The following ZNF780B variants were observed in gnomAD, a reference collection of about 807,000 sequenced individuals.
The protein encoded by ZNF780B is zinc finger protein 780B, also known as zinc finger protein 779.
ZNF780B carries 52 observed loss-of-function variants against 74.1 expected under a neutral mutation model. The ratio of observed to expected loss-of-function variants is 0.70; its 90% CI spans 0.56 to 0.88. The LOEUF is 0.88. Among genes scored for constraint, ZNF780B ranks in the 40% least tolerant of loss-of-function variants. The probability of loss-of-function intolerance (pLI) is 0.00; values close to 1 mark genes in which losing one functional copy is unlikely to be tolerated. For missense variants in ZNF780B, 953 were observed against 1,007.6 expected (o/e 0.95, Z 0.73); for synonymous variants, 315 against 324.3 (o/e 0.97, Z 0.31).
At chr19:40,047,618 C>T (rs1358971969) in intron 3 of ZNF780B, 148 bp from the exon 4 acceptor site, 4 of 440,700 alleles carry the variant, frequency 9.1e-6, no homozygotes, top group South Asian at 3.5e-5. Flanking sequence ...AAGGGATCAA[C>T]TATGTTTAAA....
intron 4 of ZNF780B, among the ~76,000 whole-genome samples, chr19:40,046,436 T>A (rs1037695942): frequency 3.3e-5 from 5 of 152,210 alleles, no homozygotes; most frequent in African/African-American, 1.2e-4. Flanking sequence ...ACTTCCCACA[T>A]TCCTCACAAC....
intron 4 of ZNF780B, among the ~76,000 whole-genome samples, chr19:40,038,853 T>C (rs1972489331): frequency 3.5e-5 from 5 of 143,598 alleles, no homozygotes; most frequent in Admixed American, 7.0e-5. Flanking sequence ...TTCTCCCATT[T>C]TGTAGGTTGC....
At chr19:40,040,710 A>G (rs1407745584) in intron 4 of ZNF780B, among the ~76,000 whole-genome samples, 2 of 152,142 alleles carry the variant, frequency 1.3e-5, no homozygotes, top group Non-Finnish European at 2.9e-5. Flanking sequence ...AGGTGTTTGT[A>G]GTATTCTCTG....
At chr19:40,041,308 G>A (rs1338717314) in intron 4 of ZNF780B, among the ~76,000 whole-genome samples, 2 of 152,180 alleles carry the variant, frequency 1.3e-5, no homozygotes, top group Non-Finnish European at 2.9e-5. Flanking sequence ...CATTTGCTGA[G>A]GAGTGCTTTA....
chr19:40,035,519 C>A lies in ZNF780B; in HGVS notation c.1340G>T (p.Cys447Phe), dbSNP rs781740565. 5 of 1,613,938 alleles carry A rather than the reference C, an allele frequency of 3.1e-6. No individual in the cohort carries two copies. The highest frequency in any genetic ancestry group is 3.3e-5 in the Admixed American group (2 of 59,982). ...TCGAAAGGCCATCTCACATTCCCTA[C>A]ATACAAAGGGTTTCTCATTGGAATG... is the stretch of plus-strand genomic sequence containing the variant. The part of the protein sequence containing the change: ...KIHSNEKPFV[C>F]RECEMAFRYH... Residue 447 changes from cysteine to phenylalanine, a missense_variant, in exon 5 of 5, where the codon TGT becomes TTT. By Grantham distance (205) the Cys-to-Phe change is radical. Transcript: ENST00000434248.
rs904045341 is a variant in ZNF780B, at chr19:40,034,697, C to G, written c.2162G>C (p.Gly721Ala). 6 of 1,614,068 alleles carry G rather than the reference C, an allele frequency of 3.7e-6. No homozygotes were observed. The East Asian group carries it at 1.3e-4, about 36-fold the overall frequency. ...QLTEHYRIHT[G>A]EKPFECKECG... The stretch of plus-strand genomic sequence containing the variant: ...TTCTTTACATTCAAAGGGTTTCTCA[C>G]CAGTATGAATTCGGTAATGTTCAGT... The change falls in exon 5 of 5, where the codon GGT becomes GCT. Residue 721 changes from glycine (G) to alanine (A), a missense_variant. By Grantham distance (60) the Gly-to-Ala change is moderately conservative. Coordinates refer to ENST00000434248, the MANE Select transcript of ZNF780B (RefSeq NM_001005851.3).
rs967015087 is a variant in ZNF780B, at chr19:40,042,336, T to G, written c.232+5039A>C. ...CTTACTCTCTGGCTGCCCTTAACGTTTTTTCCTTCATTTCAACTTTGGTGA... is the reference window on the plus strand; with the variant it reads ...CTTACTCTCTGGCTGCCCTTAACGTGTTTTCCTTCATTTCAACTTTGGTGA... On this transcript the variant is annotated intron_variant, in intron 4 of 4. Transcript: ENST00000434248. Among the ~76,000 whole-genome samples, 2 of 152,304 alleles carry G rather than the reference T, an allele frequency of 1.3e-5. 1 individual carries two copies. Among genetic ancestry groups the G allele is most frequent in the African/African-American group, 4.8e-5 (2 of 41,570 alleles).
rs1344325199 is a variant in ZNF780B, at chr19:40,031,079, G to T, written c.*3278C>A. Reference sequence around the variant, plus strand: ...TTGAAAGAATAATCATCTGACCAGGGTATATTCATAAAAAGAAGAAAGCTA... The same window carrying T: ...TTGAAAGAATAATCATCTGACCAGGTTATATTCATAAAAAGAAGAAAGCTA... On this transcript the variant is annotated 3_prime_UTR_variant, in exon 5 of 5. Coordinates refer to ENST00000434248, the MANE Select transcript of ZNF780B (RefSeq NM_001005851.3). The T allele has an allele frequency of 6.6e-6, 1 of 151,942 alleles. No homozygotes were observed. The highest frequency in any genetic ancestry group is 1.9e-4 in the East Asian group (1 of 5,190). 9.4% of individuals were successfully genotyped at this position (151,942 alleles called of 1,614,324 possible).
At position 40,035,557 on chromosome 19, in the gene ZNF780B, C is replaced by T. The variant is rs1224916420; in HGVS notation, c.1302G>A (p.Gln434=). ...TCTCATTGGAATGAATTTTTTGATG[C>T]TGAATAAGATTTGCACCACGATTAA... ...KGFNRGANLI[Q]HQKIHSNEKP... Residue 434 remains glutamine (Q), a synonymous_variant, in exon 5 of 5, where the codon CAG becomes CAA. Transcript: ENST00000434248. 1.7e-5 allele frequency: 28 copies of T among 1,611,228 alleles called. 1 individual carries two copies. The highest frequency in any genetic ancestry group is 2.1e-5 in the Non-Finnish European group (25 of 1,179,258).
chr19:40,044,860 C>T (rs7249286), intron 4 of ZNF780B, among the ~76,000 whole-genome samples: 42,570 of 152,078 alleles, frequency 0.28, 9,958 homozygotes, highest in African/African-American at 0.64. Flanking sequence ...AGTAATCACA[C>T]TGAACGTCAA....
Position 40,034,168 on chromosome 19 carries a change from A to G in ZNF780B, c.*189T>C, listed in dbSNP as rs1972115538. On this transcript the variant is annotated 3_prime_UTR_variant, in exon 5 of 5. Transcript: ENST00000434248. The stretch of plus-strand genomic sequence containing the variant: ...GAACTATGACTAAAGGCTTTCCCAC[A>G]TTCTTCACATTGATATGGTTTCTCA... The G allele has an allele frequency of 4.5e-6, 3 of 664,342 alleles. No individual in the cohort carries two copies. Among genetic ancestry groups the G allele is most frequent in the Non-Finnish European group, 8.1e-6 (3 of 372,600 alleles). 41.2% of individuals were successfully genotyped at this position (664,342 alleles called of 1,614,324 possible). A position where few individuals can be genotyped will look rare whatever the true frequency, so the allele number is the denominator to read the frequency against.
intron 4 of ZNF780B, among the ~76,000 whole-genome samples, chr19:40,044,934 T>C (rs998635150): frequency 2.0e-4 from 30 of 152,128 alleles, no homozygotes; most frequent in African/African-American, 6.3e-4. Context: ...GATCCAACTA[T>C]AAGCTGCCTA....
intron 4 of ZNF780B, among the ~76,000 whole-genome samples, chr19:40,041,343 G>T (rs1235971862): frequency 6.6e-6 from 1 of 152,072 alleles, no homozygotes; most frequent in Non-Finnish European, 1.5e-5. Flanking sequence ...GTCAATTTTG[G>T]AATAGGTGTG....
intron 4 of ZNF780B, among the ~76,000 whole-genome samples, chr19:40,043,899 G>A (rs139658207): frequency 9.2e-5 from 14 of 152,308 alleles, no homozygotes; most frequent in East Asian, 5.8e-4. Context: ...CACACAGTGC[G>A]CTGCACCCAC....
At position 40,036,137 on chromosome 19, in the gene ZNF780B, T is replaced by C; in HGVS notation, c.722A>G (p.Asn241Ser). ...AAACAGTTTCTTAACTGTGTGAATG[T>C]TCTTATGGCGATTAAGCTGGGTGGG... Reference protein sequence around the residue: ...NLPTQLNRHKNIHTVKKLFEC... With the variant: ...NLPTQLNRHKSIHTVKKLFEC... The change falls in exon 5 of 5, where the codon AAC becomes AGC. Residue 241 changes from asparagine to serine, a missense_variant. Transcript: ENST00000434248. 2 of 1,614,000 alleles carry C rather than the reference T, an allele frequency of 1.2e-6. No individual in the cohort carries two copies. Among genetic ancestry groups the C allele is most frequent in the East Asian group, 2.2e-5 (1 of 44,868 alleles).
chr19:40,055,196 G>T (rs1196724732), intron 1 of ZNF780B, among the ~76,000 whole-genome samples: 1 of 147,962 alleles, frequency 6.8e-6, no homozygotes, highest in African/African-American at 2.5e-5. Flanking sequence ...AGAAGAGAGC[G>T]TACAGGAAGG....
chr19:40,044,352 C>T (rs1471180475), intron 4 of ZNF780B, among the ~76,000 whole-genome samples: 7 of 152,004 alleles, frequency 4.6e-5, no homozygotes, highest in Admixed American at 4.6e-4. Context: ...ATATAAAAGT[C>T]AAAGACAAAA....
rs796751401 is a variant in ZNF780B, at chr19:40,052,575, GA to G, written c.-45-2199del. Among the ~76,000 whole-genome samples the G allele has an allele frequency of 3.6e-3, 512 of 144,058 alleles. 2 individuals are homozygous for G. The highest frequency in any genetic ancestry group is 0.011 in the Middle Eastern group (3 of 280). The allele number at this position is 144,058 out of a possible 152,430, so 94.5% of individuals were successfully genotyped here. On this transcript the variant is annotated intron_variant, in intron 1 of 4. Transcript: ENST00000434248. The stretch of plus-strand genomic sequence containing the variant: ...CAGTCCTACATTCTTGACAAAAATA[GA>G]AAAAAAAAAATCCTAAAATGTGCAT...
intron 4 of ZNF780B, among the ~76,000 whole-genome samples, chr19:40,040,125 GT>G (rs1385452824): frequency 6.6e-6 from 1 of 152,120 alleles, no homozygotes. Flanking sequence ...CATGAATTTT[GT>G]TGAATTTTGT....
Sources: allele counts gnomAD v4.1 joint callset (sites outside exome capture counted in the v4.1 genomes callset), GRCh38; gene constraint gnomAD v4.1.1; transcripts MANE v1.5; gene names NCBI Gene and HGNC (gene_info 2026-07-23, HGNC 2026-07-21).